Variants in SECISBP2 observed in about 807,000 individuals in gnomAD.
SECISBP2 encodes the protein selenocysteine insertion sequence-binding protein 2.
A neutral mutation model predicts 98.2 loss-of-function variants in SECISBP2; 96 were observed. The ratio of observed to expected loss-of-function variants is 0.98; its 90% confidence interval spans 0.83 to 1.16. SECISBP2 has a LOEUF of 1.16. Among genes scored for constraint, SECISBP2 ranks in the 50% most tolerant of loss-of-function variants. SECISBP2 has a pLI of 0.00. For missense variants in SECISBP2, 1,046 were observed against 1,022.9 expected (o/e 1.02, Z -0.31); for synonymous variants, 407 against 370.2 (o/e 1.10, Z -1.14).
Position 89,319,735 on chromosome 9 carries a change from A to G in SECISBP2, c.120A>G (p.Ala40=), listed in dbSNP as rs371432636. ...LNVAWLESSE[A]CVFPSSAATY... ...TGGCATGGTTAGAGTCCTCAGAAGC[A>G]TGTGTCTTCCCCAGCTCTGCAGCCA... Residue 40 remains alanine (A), a synonymous_variant, in exon 2 of 17, where the codon GCA becomes GCG. Coordinates refer to ENST00000375807, the MANE Select transcript of SECISBP2 (RefSeq NM_024077.5). 14 of 1,614,194 alleles carry G rather than the reference A, an allele frequency of 8.7e-6. No homozygotes were observed. The African/African-American group carries it at 1.7e-4, about 20-fold the overall frequency.
At chr9:89,342,524 A>G (rs576586323) in intron 10 of SECISBP2, among the ~76,000 whole-genome samples, 1 of 152,364 alleles carries the variant, frequency 6.6e-6, no homozygotes, top group South Asian at 2.1e-4. Context: ...AACAGCGCAA[A>G]TGTTCATTAC....
In SECISBP2 at chr9:89,328,698, A is replaced by G. The variant is rs1280129142; in HGVS notation, c.613A>G (p.Ile205Val). 3 of 1,614,098 alleles carry G rather than the reference A, an allele frequency of 1.9e-6. No individual in the cohort carries two copies. The highest frequency in any genetic ancestry group is 2.7e-5 in the African/African-American group (2 of 74,948). Residue 205 changes from isoleucine (I) to valine (V), a missense_variant, in exon 5 of 17, where the codon ATT (isoleucine) becomes GTT (valine). By Grantham distance (29) the Ile-to-Val change is conservative (BLOSUM62 3). Coordinates refer to ENST00000375807, the MANE Select transcript of SECISBP2 (RefSeq NM_024077.5). The part of the protein sequence containing the change: ...HKRTDRKSRI[I>V]AKNVSTSKPE... ...GCGAACAGACAGGAAATCCAGAATC[A>G]TTGCAAAAAATGTATCTACCTCCAA...
chr9:89,336,598 T>C (rs1828756178), intron 7 of SECISBP2, among the ~76,000 whole-genome samples: 1 of 151,866 alleles, frequency 6.6e-6, no homozygotes, highest in South Asian at 2.1e-4. Context: ...GACGTGTGCT[T>C]GTTCCTCATT....
At chr9:89,362,016 TG>T (rs1440309840), downstream of SECISBP2, 13 of 352,576 alleles carry the variant, frequency 3.7e-5, no homozygotes, top group Non-Finnish European at 6.4e-5. Flanking sequence ...GGGGAGTCAC[TG>T]GGACGGTGTA....
chr9:89,358,289 AC>A, intron 16 of SECISBP2, 98 bp downstream of exon 16: 1 of 1,252,300 alleles, frequency 8.0e-7, no homozygotes, highest in Non-Finnish European at 1.1e-6. Flanking sequence ...ATGCTGCAAG[AC>A]CAGCTGAGTA....
intron 6 of SECISBP2, 122 bp downstream of exon 6, chr9:89,333,108 G>A: frequency 1.2e-6 from 1 of 813,900 alleles, no homozygotes; most frequent in Admixed American, 2.0e-5. Context: ...ATGAATTGTG[G>A]GTAACCTAAC....
In SECISBP2 at chr9:89,349,942, C is replaced by T. The variant is rs1831017332; in HGVS notation, c.1892+13C>T. On this transcript the variant is annotated intron_variant, in intron 13 of 16. Coordinates refer to ENST00000375807, the MANE Select transcript of SECISBP2 (RefSeq NM_024077.5). ...GCAGATTCAGGGAGTGAGTGAGCCC[C>T]TGCCTGCCAGGGACTAGGGGAAGAT... 6.2e-7 allele frequency: 1 copy of T among 1,613,868 alleles called. No individual in the cohort carries two copies. Among genetic ancestry groups the T allele is most frequent in the Non-Finnish European group, 8.5e-7 (1 of 1,180,046 alleles).
rs1348791175 is a variant in SECISBP2 at position 89,325,477 on chromosome 9, C to G, written c.233C>G (p.Pro78Arg). ...DMAFGASTFPPQYLSSEITLH... is the reference protein window; with the variant it reads ...DMAFGASTFPRQYLSSEITLH... ...GCCTTTGGAGCTTCAACTTTTCCAC[C>G]TCAGTATTTATCTTCTGAGATAACT... Residue 78 changes from proline (P) to arginine (R), a missense_variant, in exon 3 of 17, where the codon CCT becomes CGT. Transcript: ENST00000375807. 6.2e-7 allele frequency: 1 copy of G among 1,613,602 alleles called. No individual in the cohort carries two copies. The highest frequency in any genetic ancestry group is 8.5e-7 in the Non-Finnish European group (1 of 1,179,752).
chr9:89,339,406 A>T lies in SECISBP2; in HGVS notation c.1213-458A>T, dbSNP rs554687455. On this transcript the variant is annotated intron_variant, in intron 8 of 16. Coordinates refer to ENST00000375807, the MANE Select transcript of SECISBP2 (RefSeq NM_024077.5). ...CCCATCTTTTTCCAAGGAACCTAAA[A>T]TATTGACAAAATGACATAGGCATTT... 7.9e-5 allele frequency among the ~76,000 whole-genome samples: 12 copies of T among 152,360 alleles called. No individual in the cohort carries two copies. In the South Asian group the frequency reaches 2.5e-3, roughly 32 times the overall value.
chr9:89,344,728 T>G (rs1198697611), intron 10 of SECISBP2, among the ~76,000 whole-genome samples: 1 of 152,240 alleles, frequency 6.6e-6, no homozygotes, highest in Non-Finnish European at 1.5e-5. Flanking sequence ...GCTGTAGGGA[T>G]TACAATATAC....
At chr9:89,339,983 T>C (rs1216897200) in intron 9 of SECISBP2, 30 bp downstream of exon 9, 18 of 1,494,030 alleles carry the variant, frequency 1.2e-5, no homozygotes, top group Non-Finnish European at 1.7e-5. Context: ...CACAAATTGC[T>C]TTAGGCTTAA....
intron 10 of SECISBP2, among the ~76,000 whole-genome samples, chr9:89,342,274 A>C (rs777589136): frequency 5.9e-5 from 9 of 152,234 alleles, no homozygotes; most frequent in African/African-American, 2.2e-4. Flanking sequence ...TAATCCAAAA[A>C]CAGAAAATAA....
chr9:89,360,106 C>T (rs1832652870), downstream of SECISBP2, among the ~76,000 whole-genome samples: 1 of 152,170 alleles, frequency 6.6e-6, no homozygotes, highest in Non-Finnish European at 1.5e-5. Flanking sequence ...GCCCTGTCAT[C>T]TGTGGAGCTC....
At chr9:89,343,320 C>G (rs80152319) in intron 10 of SECISBP2, among the ~76,000 whole-genome samples, 1,864 of 151,534 alleles carry the variant, frequency 0.012, 49 homozygotes, top group African/African-American at 0.043. Context: ...AAAAACTCTA[C>G]TTTTTTTTTA....
chr9:89,341,036 A>G (rs1461160086), intron 9 of SECISBP2, among the ~76,000 whole-genome samples: 2 of 152,042 alleles, frequency 1.3e-5, no homozygotes, highest in Non-Finnish European at 2.9e-5. Flanking sequence ...CTTTGTAGCC[A>G]AAGACTTTAT....
In SECISBP2 at chr9:89,358,056, A is replaced by G. The variant is rs1391369590; in HGVS notation, c.2326A>G (p.Met776Val). The change falls in exon 16 of 17, where the codon ATG (methionine) becomes GTG (valine). Residue 776 changes from methionine (M) to valine (V), a missense_variant. Met to Val is a conservative substitution (Grantham distance 21). Coordinates refer to ENST00000375807, the MANE Select transcript of SECISBP2 (RefSeq NM_024077.5). The part of the protein sequence containing the change: ...TVAARQAYKT[M>V]LENVQQELVG... ...GGCGGCCCGACAGGCGTACAAGACC[A>G]TGCTGGAGAATGTGCAGCAGGAGCT... The G allele has an allele frequency of 6.8e-6, 11 of 1,613,676 alleles. No individual in the cohort carries two copies. Among genetic ancestry groups the G allele is most frequent in the Non-Finnish European group, 9.3e-6 (11 of 1,180,016 alleles).
rs1217563028 is a variant in SECISBP2 at position 89,339,915 on chromosome 9, A to G, written c.1264A>G (p.Ile422Val). 1 of 1,613,846 alleles carries G rather than the reference A, an allele frequency of 6.2e-7. No homozygotes were observed. Among genetic ancestry groups the G allele is most frequent in the Admixed American group, 1.7e-5 (1 of 60,024 alleles). The change falls in exon 9 of 17, where the codon ATA becomes GTA. Residue 422 changes from isoleucine (I) to valine (V), a missense_variant. Coordinates refer to ENST00000375807, the MANE Select transcript of SECISBP2 (RefSeq NM_024077.5). ...AGTTGCATCTGAAAGAAGAGACAGA[A>G]TAGAGACACCGAAATTTCAATCTAA... is the stretch of plus-strand genomic sequence containing the variant. ...LAVASERRDR[I>V]ETPKFQSKQQ...
intron 7 of SECISBP2, among the ~76,000 whole-genome samples, chr9:89,338,052 G>A (rs573920285): frequency 1.6e-4 from 24 of 152,340 alleles, no homozygotes; most frequent in Admixed American, 1.3e-3. Flanking sequence ...TTTGTCTGAA[G>A]GTTCCAGGGG....
intron 14 of SECISBP2, among the ~76,000 whole-genome samples, chr9:89,354,507 C>A (rs1245896652): frequency 6.6e-6 from 1 of 152,158 alleles, no homozygotes; most frequent in Non-Finnish European, 1.5e-5. Flanking sequence ...GACTCAGCGC[C>A]TAGGGTTCTG....
Sources: gnomAD v4.1 joint callset for allele counts (sites outside exome capture counted in the v4.1 genomes callset) on GRCh38, gnomAD v4.1.1 for gene constraint, MANE v1.5 for transcripts, NCBI Gene and HGNC (gene_info 2026-07-23, HGNC 2026-07-21) for gene names.